The following FAAH2 variants were observed in gnomAD, a reference collection of about 807,000 sequenced individuals.
The protein encoded by FAAH2 is fatty acid amide hydrolase 2.
In FAAH2, 60 loss-of-function variants were observed where a neutral mutation model predicts 36.9. The observed-to-expected ratio is 1.63, with a 90% CI of 1.32 to 2.02. The LOEUF (loss-of-function observed/expected upper bound fraction) is 2.02, where lower values mean the gene tolerates loss of function less well. Ranked by LOEUF, FAAH2 falls within the 30% of genes most tolerant of loss-of-function variation. The pLI is 0.00. For synonymous variants in FAAH2, 214 were observed against 143.8 expected, an observed-to-expected ratio of 1.49 and a Z score of -3.49; for missense variants, 689 against 397.5, an observed-to-expected ratio of 1.73 and a Z score of -6.23.
intron 2 of FAAH2, among the ~76,000 whole-genome samples, chrX:57,299,767 A>T (rs1348471730): frequency 8.9e-6 from 1 of 112,177 alleles, no homozygotes; most frequent in Non-Finnish European, 1.9e-5. Context: ...GTCTCAGGAT[A>T]CAAAATCAAT....
At chrX:57,140,014 T>C in the FAAH2 span, among the ~76,000 whole-genome samples, 35 of 112,157 alleles carry the variant, frequency 3.1e-4, no homozygotes, top group African/African-American at 8.7e-4. Context: ...TTTCTATTTT[T>C]GTGTTGTCTT....
At chrX:57,487,913 A>T (rs2057504391) in intron 10 of FAAH2, among the ~76,000 whole-genome samples, 1 of 112,161 alleles carries the variant, frequency 8.9e-6, no homozygotes, top group African/African-American at 3.2e-5. Flanking sequence ...TGGTGAATAG[A>T]TAATCAAAAT....
At chrX:57,235,650 G>C in the FAAH2 span, among the ~76,000 whole-genome samples, 1 of 112,061 alleles carries the variant, frequency 8.9e-6, no homozygotes, top group Non-Finnish European at 1.9e-5. Flanking sequence ...GAAAATTTGG[G>C]TGGGAGTAAA....
At chrX:57,463,416 A>T (rs1461609448) in intron 10 of FAAH2, among the ~76,000 whole-genome samples, 1 of 111,649 alleles carries the variant, frequency 9.0e-6, no homozygotes, top group East Asian at 2.8e-4. Context: ...CTATATTACA[A>T]GACTACAGTA....
chrX:57,441,214 G>A (rs1170210599), intron 8 of FAAH2, among the ~76,000 whole-genome samples: 3 of 111,244 alleles, frequency 2.7e-5, no homozygotes, highest in East Asian at 2.8e-4. Context: ...GGTAGAATTC[G>A]GCTATGAATC....
intron 10 of FAAH2, among the ~76,000 whole-genome samples, chrX:57,453,183 T>A (rs1602715757): frequency 1.8e-5 from 2 of 112,250 alleles, no homozygotes; most frequent in African/African-American, 3.2e-5. Flanking sequence ...ATACAAAAAA[T>A]TCCCTGAAAG....
In FAAH2 at chrX:57,399,231, G is replaced by A. The variant is rs772451391; in HGVS notation, c.996+18202G>A. 2.6e-4 allele frequency among the ~76,000 whole-genome samples: 29 copies of A among 111,421 alleles called. No individual in the cohort carries two copies. In the South Asian group the frequency reaches 7.3e-3, roughly 28 times the overall value. On this transcript the variant is annotated intron_variant, in intron 7 of 10. Coordinates refer to ENST00000374900, the MANE Select transcript of FAAH2 (RefSeq NM_174912.4). ...GGATTTGTATGGCCTGCAGTGCAGG[G>A]GATTATTTCTTTGGCACACTTCACA...
chrX:57,482,250 T>C (rs1440343781), intron 10 of FAAH2, among the ~76,000 whole-genome samples: 1 of 111,308 alleles, frequency 9.0e-6, no homozygotes, highest in Non-Finnish European at 1.9e-5. Flanking sequence ...AGTGAACAGT[T>C]GTGTCTCACT....
the FAAH2 span, among the ~76,000 whole-genome samples, chrX:57,242,009 G>C: frequency 8.9e-6 from 1 of 112,166 alleles, no homozygotes; most frequent in Non-Finnish European, 1.9e-5. Flanking sequence ...GGCTGTGGGC[G>C]CAGCTTCAGC....
Position 57,378,745 on chromosome X carries a change from G to C in FAAH2, c.837G>C (p.Leu279=). The C allele has an allele frequency of 8.3e-7, 1 of 1,210,421 alleles. No homozygotes were observed. Among genetic ancestry groups the C allele is most frequent in the East Asian group, 3.0e-5 (1 of 33,763 alleles). Residue 279 remains leucine (L), a synonymous_variant, in exon 6 of 11, where the codon CTG becomes CTC. Transcript: ENST00000374900. The part of the protein sequence containing the change: ...TGPMCRYAED[L]APMLKVMAGP... ...CTATGTGCCGTTATGCTGAAGACCT[G>C]GCCCCCATGTTGAAGGTCATGGCAG...
chrX:57,347,615 T>G (rs1428295485), intron 5 of FAAH2, among the ~76,000 whole-genome samples: 1 of 5,971 alleles, frequency 1.7e-4, no homozygotes, highest in Non-Finnish European at 2.7e-3. Flanking sequence ...TTTTTTTTTT[T>G]TTTTTTTTTT....
chrX:57,263,410 T>C, the FAAH2 span, among the ~76,000 whole-genome samples: 3 of 111,725 alleles, frequency 2.7e-5, no homozygotes, highest in Admixed American at 2.9e-4. Flanking sequence ...ACCTGTTTAC[T>C]GAAAACTACA....
chrX:57,486,237 A>G (rs1191371020), intron 10 of FAAH2, among the ~76,000 whole-genome samples: 1 of 111,655 alleles, frequency 9.0e-6, no homozygotes, highest in Non-Finnish European at 1.9e-5. Context: ...GACAAGACAC[A>G]TTAGGTACTT....
chrX:57,315,145 T>TA (rs891209918), intron 3 of FAAH2, among the ~76,000 whole-genome samples: 2 of 110,847 alleles, frequency 1.8e-5, no homozygotes, highest in African/African-American at 6.5e-5. Flanking sequence ...GCACACAAAT[T>TA]AAAAAATATA....
the FAAH2 span, among the ~76,000 whole-genome samples, chrX:57,239,472 T>TC: frequency 3.4e-5 from 3 of 88,560 alleles, no homozygotes; most frequent in African/African-American, 1.5e-4. Context: ...TCTGCAGCTC[T>TC]TTTATATATA....
the FAAH2 span, among the ~76,000 whole-genome samples, chrX:57,277,260 G>T: frequency 6.2e-4 from 69 of 111,719 alleles, no homozygotes; most frequent in Non-Finnish European, 1.1e-3. Context: ...GGGACGCAAG[G>T]CTGGTTCAAC....
intron 1 of FAAH2, among the ~76,000 whole-genome samples, chrX:57,287,535 G>A (rs2051844079): frequency 8.9e-6 from 1 of 111,867 alleles, no homozygotes; most frequent in African/African-American, 3.3e-5. Context: ...CTCTGCCTGG[G>A]TACTTAAACA....
At chrX:57,332,391 C>T (rs1441694275) in intron 4 of FAAH2, among the ~76,000 whole-genome samples, 1 of 111,860 alleles carries the variant, frequency 8.9e-6, no homozygotes, top group Non-Finnish European at 1.9e-5. Flanking sequence ...GTTTTTACTC[C>T]AATTCACACA....
the FAAH2 span, among the ~76,000 whole-genome samples, chrX:57,171,366 A>G: frequency 8.9e-6 from 1 of 112,247 alleles, no homozygotes; most frequent in Non-Finnish European, 1.9e-5. Context: ...ACTAATTTAC[A>G]TTCCCACTAG....
Sources: allele counts gnomAD v4.1 joint callset (sites outside exome capture counted in the v4.1 genomes callset), GRCh38; gene constraint gnomAD v4.1.1; transcripts MANE v1.5; gene names NCBI Gene and HGNC (gene_info 2026-07-23, HGNC 2026-07-21).